MTFR1: variants seen among roughly 807,000 people sequenced by gnomAD.
The protein encoded by MTFR1 is chondrocyte protein with a poly-proline region.
MTFR1 carries 28 observed loss-of-function variants against 38.8 expected under a neutral mutation model. The ratio of observed to expected loss-of-function variants is 0.72; its 90% CI spans 0.53 to 0.99. The LOEUF (loss-of-function observed/expected upper bound fraction) is 0.99. Among genes scored for constraint, MTFR1 ranks in the 50% least tolerant of loss-of-function variants. The probability of loss-of-function intolerance (pLI) is 0.00; values close to 1 mark genes in which losing one functional copy is unlikely to be tolerated. For missense variants in MTFR1, 358 were observed against 395.5 expected (o/e 0.91, Z 0.81); for synonymous variants, 145 against 137.0 (o/e 1.06, Z -0.41).
chr8:65,755,320 C>T (rs1808175565), intron 3 of MTFR1, among the ~76,000 whole-genome samples: 1 of 152,070 alleles, frequency 6.6e-6, no homozygotes, highest in African/African-American at 2.4e-5. Context: ...CATGCCCGGC[C>T]CATTATTGCC....
At chr8:65,669,591 ACCC>A (rs1804503816) in intron 1 of MTFR1, among the ~76,000 whole-genome samples, 1 of 151,378 alleles carries the variant, frequency 6.6e-6, no homozygotes, top group Non-Finnish European at 1.5e-5. Context: ...TCGCTCTGTC[ACCC>A]AGGCTGGAGT....
intron 1 of MTFR1, among the ~76,000 whole-genome samples, chr8:65,657,581 G>A (rs978971987): frequency 2.6e-5 from 4 of 151,986 alleles, no homozygotes; most frequent in African/African-American, 9.7e-5. Context: ...GTGCATGCCT[G>A]TAGTCCCAGC....
intron 3 of MTFR1, among the ~76,000 whole-genome samples, chr8:65,769,457 C>A (rs1377599291): frequency 6.6e-6 from 1 of 152,134 alleles, no homozygotes; most frequent in Non-Finnish European, 1.5e-5. Flanking sequence ...TACTTCTTGG[C>A]TAGAAGAATT....
chr8:65,707,880 A>C lies in MTFR1; in HGVS notation c.802A>C (p.Thr268Pro), dbSNP rs1805831880. The C allele has an allele frequency of 6.2e-7, 1 of 1,614,078 alleles. No homozygotes were observed. The part of the protein sequence containing the change: ...QDVKPKPVDA[T>P]DPAALIAEAL... ...TGTGAAGCCCAAGCCAGTGGATGCT[A>C]CTGACCCTGCTGCCCTCATAGCAGA... Residue 268 changes from threonine to proline, a missense_variant, in exon 7 of 8, where the codon ACT (threonine) becomes CCT (proline). Transcript: ENST00000262146.
chr8:65,761,980 T>C (rs1373290852), intron 3 of MTFR1, among the ~76,000 whole-genome samples: 2 of 152,192 alleles, frequency 1.3e-5, no homozygotes, highest in Admixed American at 6.5e-5. Context: ...CAGAAAAGCC[T>C]CTGGCTCTTG....
chr8:65,727,106 T>A, intron 3 of MTFR1: 1 of 1,143,026 alleles, frequency 8.7e-7, no homozygotes, highest in Non-Finnish European at 1.3e-6. Context: ...TTTCATTTCT[T>A]CAAAATATGA....
chr8:65,689,897 T>C (rs746597260), intron 3 of MTFR1, among the ~76,000 whole-genome samples: 2 of 152,212 alleles, frequency 1.3e-5, no homozygotes, highest in Non-Finnish European at 2.9e-5. Flanking sequence ...GGGACAGGAT[T>C]TCAAGTACAA....
intron 2 of MTFR1, among the ~76,000 whole-genome samples, chr8:65,677,847 C>A (rs1009124418): frequency 4.6e-5 from 7 of 151,232 alleles, no homozygotes; most frequent in Non-Finnish European, 8.9e-5. Context: ...GAAACCCCGT[C>A]TCTACTAAAA....
intron 3 of MTFR1, among the ~76,000 whole-genome samples, chr8:65,764,843 T>A (rs535195343): frequency 6.6e-6 from 1 of 152,326 alleles, no homozygotes; most frequent in South Asian, 2.1e-4. Flanking sequence ...AAATTCTGTA[T>A]GCTTTCATAC....
At chr8:65,773,689 T>C (rs1158386682), downstream of MTFR1, among the ~76,000 whole-genome samples, 1 of 152,246 alleles carries the variant, frequency 6.6e-6, no homozygotes, top group East Asian at 1.9e-4. Flanking sequence ...CCTTCTCTTG[T>C]CTTTTAGATT....
chr8:65,705,551 C>T (rs1385411491), intron 5 of MTFR1, among the ~76,000 whole-genome samples: 1 of 152,110 alleles, frequency 6.6e-6, no homozygotes. Context: ...ATAATGGCAC[C>T]AACCATATCA....
At chr8:65,712,721 C>T (rs1346822352), downstream of MTFR1, among the ~76,000 whole-genome samples, 1 of 152,156 alleles carries the variant, frequency 6.6e-6, no homozygotes, top group Admixed American at 6.5e-5. Context: ...CATTCCAGCA[C>T]CTGGATCTCA....
At chr8:65,719,190 G>A in intron 2 of MTFR1, 1 of 766,874 alleles carries the variant, frequency 1.3e-6, no homozygotes, top group Non-Finnish European at 2.3e-6. Flanking sequence ...TCACTCACTT[G>A]GAAACCTTGG....
At chr8:65,681,189 G>A (rs1186796505) in intron 2 of MTFR1, among the ~76,000 whole-genome samples, 1 of 152,260 alleles carries the variant, frequency 6.6e-6, no homozygotes, top group Admixed American at 6.5e-5. Flanking sequence ...TGGGATTACA[G>A]GCGTGAGCCA....
At chr8:65,669,811 T>C (rs1355313758) in intron 1 of MTFR1, 62 bp from the exon 2 acceptor site, 1 of 730,452 alleles carries the variant, frequency 1.4e-6, no homozygotes, top group Non-Finnish European at 2.3e-6. Flanking sequence ...GTGAGACATG[T>C]AGACAGTACA....
chr8:65,660,745 A>G (rs1226388194), intron 1 of MTFR1, among the ~76,000 whole-genome samples: 1 of 152,224 alleles, frequency 6.6e-6, no homozygotes, highest in Non-Finnish European at 1.5e-5. Flanking sequence ...TACACTGTTT[A>G]AGAAAGGAGT....
chr8:65,732,510 C>A (rs1474193613), intron 3 of MTFR1, among the ~76,000 whole-genome samples: 1 of 152,114 alleles, frequency 6.6e-6, no homozygotes. Flanking sequence ...GAGATACAAT[C>A]TTCAGGCATC....
At chr8:65,724,815 A>G in intron 3 of MTFR1, 1 of 1,612,092 alleles carries the variant, frequency 6.2e-7, no homozygotes, top group Non-Finnish European at 8.5e-7. Context: ...TCTTCTAGGC[A>G]TAAATCACCT....
intron 3 of MTFR1, among the ~76,000 whole-genome samples, chr8:65,730,133 TG>T (rs1367950313): frequency 6.7e-6 from 1 of 148,236 alleles, no homozygotes; most frequent in Non-Finnish European, 1.5e-5. Flanking sequence ...CAAACCCTAT[TG>T]TAAACTGTGC....
Sources: gnomAD v4.1 joint callset for allele counts (sites outside exome capture counted in the v4.1 genomes callset) on GRCh38, gnomAD v4.1.1 for gene constraint, MANE v1.5 for transcripts, NCBI Gene and HGNC (gene_info 2026-07-23, HGNC 2026-07-21) for gene names.